Variants in SH3YL1 observed in about 807,000 individuals in gnomAD.
The protein encoded by SH3YL1 is SH3 domain-containing YSC84-like protein 1.
In SH3YL1, 41 loss-of-function variants were observed where a neutral mutation model predicts 45.8. The ratio of observed to expected loss-of-function variants is 0.89; its 90% CI spans 0.70 to 1.16. The LOEUF (loss-of-function observed/expected upper bound fraction) is 1.16, where lower values mean the gene tolerates loss of function less well. SH3YL1 is among the 50% of genes most tolerant of loss of function. SH3YL1 has a pLI of 0.00. For synonymous variants in SH3YL1, 152 were observed against 151.4 expected (o/e 1.00, Z -0.03); for missense variants, 389 against 409.6 (o/e 0.95, Z 0.43).
intron 4 of SH3YL1, among the ~76,000 whole-genome samples, chr2:238,328 C>G (rs549399272): frequency 1.3e-5 from 2 of 149,062 alleles, no homozygotes; most frequent in Non-Finnish European, 3.0e-5. Context: ...AATATGTAAA[C>G]CAAGCTTAAG....
chr2:230,909 G>C, intron 7 of SH3YL1, 114 bp downstream of exon 7: 1 of 950,984 alleles, frequency 1.1e-6, no homozygotes, highest in South Asian at 1.4e-5. Context: ...TGTGAAGTCA[G>C]TGAAACTACG....
Position 252,939 on chromosome 2 carries a change from A to G in SH3YL1, c.112+66T>C, listed in dbSNP as rs1669136562. ...GCTTCTGCCTGAAATGGAGTGTCGAACAATGCAAAAAACAACTTAGGAAAA... is the reference window on the plus strand; with the variant it reads ...GCTTCTGCCTGAAATGGAGTGTCGAGCAATGCAAAAAACAACTTAGGAAAA... On this transcript the variant is annotated intron_variant, in intron 2 of 9. Transcript: ENST00000356150. 4 of 988,910 alleles carry G rather than the reference A, an allele frequency of 4.0e-6. No individual in the cohort carries two copies. In the East Asian group the frequency reaches 1.1e-4, roughly 26 times the overall value. The allele number at this position is 988,910 out of a possible 1,614,324, so 61.3% of individuals were successfully genotyped here. A position where few individuals can be genotyped will look rare whatever the true frequency, so the allele number is the denominator to read the frequency against.
chr2:222,834 C>T (rs1277419222), intron 9 of SH3YL1: 1 of 152,228 alleles, frequency 6.6e-6, no homozygotes, highest in East Asian at 1.9e-4. Flanking sequence ...ACTCAGTGTC[C>T]TGCTTCATCA....
At chr2:241,735 A>T (rs931757497) in intron 4 of SH3YL1, 1 of 152,156 alleles carries the variant, frequency 6.6e-6, no homozygotes, top group African/African-American at 2.4e-5. Flanking sequence ...AGAAAACAGT[A>T]GGATGACAAA....
At chr2:247,441 C>A (rs547426485) in intron 4 of SH3YL1, 97 bp downstream of exon 4, 66 of 912,154 alleles carry the variant, frequency 7.2e-5, no homozygotes, top group Admixed American at 7.1e-4. Flanking sequence ...CCAATGGTAA[C>A]AATAAGAACG....
At chr2:233,684 A>T (rs2103028363) in intron 5 of SH3YL1, among the ~76,000 whole-genome samples, 2 of 152,348 alleles carry the variant, frequency 1.3e-5, no homozygotes, top group East Asian at 3.9e-4. Context: ...TGGGTATAAA[A>T]TATCTCTACA....
At chr2:247,033 T>G (rs1668846527) in intron 4 of SH3YL1, among the ~76,000 whole-genome samples, 1 of 152,164 alleles carries the variant, frequency 6.6e-6, no homozygotes, top group Non-Finnish European at 1.5e-5. Context: ...CCTCTGTGAG[T>G]GTGCATGTCT....
chr2:264,531 G>C (rs910687637), upstream of SH3YL1: 14 of 188,646 alleles, frequency 7.4e-5, 1 homozygote, highest in Non-Finnish European at 1.1e-4. Context: ...TCCCCTATAG[G>C]TAACCTTTAC....
intron 1 of SH3YL1, chr2:261,461 A>G (rs1316705143): frequency 2.6e-5 from 4 of 152,258 alleles, no homozygotes; most frequent in African/African-American, 9.6e-5. Flanking sequence ...ACTTTCAAAT[A>G]AAGTTTTCTT....
intron 4 of SH3YL1, chr2:240,874 A>G (rs1572161605): frequency 6.6e-6 from 1 of 152,286 alleles, no homozygotes; most frequent in Non-Finnish European, 1.5e-5. Flanking sequence ...CAGTCCAGCC[A>G]TATCTCTAAA....
At chr2:255,385 G>A (rs564532442) in intron 1 of SH3YL1, among the ~76,000 whole-genome samples, 2 of 152,202 alleles carry the variant, frequency 1.3e-5, no homozygotes, top group Admixed American at 6.5e-5. Context: ...CTTGAGGCCA[G>A]GAGTTCGAGA....
At chr2:243,496 A>G in intron 4 of SH3YL1, 3 of 1,531,992 alleles carry the variant, frequency 2.0e-6, no homozygotes, top group Non-Finnish European at 2.6e-6. Context: ...ATGAAGACAC[A>G]ACATACCCAC....
At chr2:264,172 G>A (rs1669737977), upstream of SH3YL1, 1 of 806,050 alleles carries the variant, frequency 1.2e-6, no homozygotes, top group Non-Finnish European at 1.8e-6. Context: ...GCCGCGCTCA[G>A]GCCTTCGCCC....
chr2:224,689 A>G (rs1667718519), intron 9 of SH3YL1, among the ~76,000 whole-genome samples, 175 bp downstream of exon 9: 1 of 152,276 alleles, frequency 6.6e-6, no homozygotes, highest in Non-Finnish European at 1.5e-5. Flanking sequence ...GGCAAGTAAG[A>G]TAACAAAAGC....
At chr2:241,008 T>C (rs1362205930) in intron 4 of SH3YL1, 2 of 151,754 alleles carry the variant, frequency 1.3e-5, no homozygotes, top group Non-Finnish European at 2.9e-5. Flanking sequence ...AGTGGGAGAG[T>C]GTGACCCATA....
At chr2:224,718 A>G (rs1388857564) in intron 9 of SH3YL1, 146 bp downstream of exon 9, 10 of 662,116 alleles carry the variant, frequency 1.5e-5, no homozygotes, top group Non-Finnish European at 2.7e-5. Flanking sequence ...TTCTAAATGA[A>G]GTACTTCTCA....
Position 230,710 on chromosome 2 carries a change from T to C in SH3YL1, c.702+313A>G, listed in dbSNP as rs567386701. 91 of 313,454 alleles carry C rather than the reference T, an allele frequency of 2.9e-4. 1 individual carries two copies. Among genetic ancestry groups the C allele is most frequent in the Non-Finnish European group, 3.4e-4 (57 of 166,772 alleles). 19.4% of individuals were successfully genotyped at this position (313,454 alleles called of 1,614,324 possible). ...TTATGGTAGAGAGGGGGTTTTGCCATGTTGGCCAGGCTGGTCTGAAACTCC... is the reference window on the plus strand; with the variant it reads ...TTATGGTAGAGAGGGGGTTTTGCCACGTTGGCCAGGCTGGTCTGAAACTCC... On this transcript the variant is annotated intron_variant, in intron 7 of 9. Transcript: ENST00000356150.
At chr2:239,605 T>C (rs1483894983) in intron 4 of SH3YL1, 1 of 152,178 alleles carries the variant, frequency 6.6e-6, no homozygotes, top group Non-Finnish European at 1.5e-5. Context: ...TTCAGGAAGA[T>C]TAAGTACTTT....
At chr2:229,870 A>C in intron 8 of SH3YL1, 96 bp downstream of exon 8, 1 of 966,146 alleles carries the variant, frequency 1.0e-6, no homozygotes, top group Non-Finnish European at 1.6e-6. Context: ...TCTTCTATTT[A>C]ACTCTAAAGT....
Sources: allele counts gnomAD v4.1 joint callset (sites outside exome capture counted in the v4.1 genomes callset), GRCh38; gene constraint gnomAD v4.1.1; transcripts MANE v1.5; gene names NCBI Gene and HGNC (gene_info 2026-07-23, HGNC 2026-07-21).